FAM219A: variants seen among roughly 807,000 people sequenced by gnomAD.
FAM219A encodes the protein family with sequence similarity 219 member A, also known as protein FAM219A.
A neutral mutation model predicts 23.4 loss-of-function variants in FAM219A; 7 were observed. The ratio of observed to expected loss-of-function variants is 0.30; its 90% CI spans 0.17 to 0.56. The LOEUF (loss-of-function observed/expected upper bound fraction) is 0.56. Ranked by LOEUF, FAM219A falls within the 20% of genes least tolerant of loss-of-function variation. The probability of loss-of-function intolerance (pLI) is 0.92; values close to 1 mark genes in which losing one functional copy is unlikely to be tolerated. For synonymous variants in FAM219A, 93 were observed against 99.0 expected (o/e 0.94, Z 0.36); for missense variants, 166 against 246.9 (o/e 0.67, Z 2.20).
intron 1 of FAM219A, among the ~76,000 whole-genome samples, chr9:34,420,992 A>ATGTG (rs1212346431): frequency 1.9e-5 from 2 of 107,320 alleles, no homozygotes; most frequent in South Asian, 3.3e-4. Context: ...GTGTGTGTGT[A>ATGTG]TGTGTGTGTG....
chr9:34,405,215 G>A (rs1482420220), intron 2 of FAM219A, among the ~76,000 whole-genome samples: 2 of 152,218 alleles, frequency 1.3e-5, no homozygotes, highest in Non-Finnish European at 2.9e-5. Flanking sequence ...GACAGCCCAT[G>A]AGGTGAAGGG....
At chr9:34,435,118 G>A (rs2131988660) in intron 1 of FAM219A, among the ~76,000 whole-genome samples, 1 of 152,294 alleles carries the variant, frequency 6.6e-6, no homozygotes, top group Non-Finnish European at 1.5e-5. Context: ...ACTGTGCCTG[G>A]CCAGTGTTGA....
intron 1 of FAM219A, among the ~76,000 whole-genome samples, chr9:34,426,435 G>C (rs557264376): frequency 1.2e-3 from 184 of 152,278 alleles, no homozygotes; most frequent in African/African-American, 3.5e-3. Flanking sequence ...TTTGGATTCT[G>C]AGATAATTTT....
intron 4 of FAM219A, chr9:34,402,156 C>T: frequency 6.8e-7 from 1 of 1,465,416 alleles, no homozygotes; most frequent in Non-Finnish European, 9.0e-7. Flanking sequence ...GATCAGTTGT[C>T]CCAGGATGAC....
chr9:34,428,747 T>G (rs1022251851), intron 1 of FAM219A, among the ~76,000 whole-genome samples: 9 of 152,226 alleles, frequency 5.9e-5, no homozygotes, highest in African/African-American at 2.2e-4. Context: ...TCTGTTCCAC[T>G]TGAACAAAAC....
At chr9:34,438,917 A>G (rs1336127818) in intron 1 of FAM219A, among the ~76,000 whole-genome samples, 1 of 152,236 alleles carries the variant, frequency 6.6e-6, no homozygotes, top group Non-Finnish European at 1.5e-5. Flanking sequence ...AAATCTTGCT[A>G]CTGCTCATTC....
chr9:34,442,452 C>T (rs746227108), intron 1 of FAM219A, among the ~76,000 whole-genome samples: 4 of 152,072 alleles, frequency 2.6e-5, no homozygotes, highest in Non-Finnish European at 5.9e-5. Flanking sequence ...CGGGAGCCTG[C>T]GGCAGGTGGA....
Position 34,458,161 on chromosome 9 carries a change from A to C in FAM219A, c.60+43T>G, listed in dbSNP as rs1218855250. The stretch of plus-strand genomic sequence containing the variant: ...TGATTCCCTCCCTCCCCCTCAAGCG[A>C]CGCCCCCTCCGGCCTTGGCCTGCCC... On this transcript the variant is annotated intron_variant, in intron 1 of 5. Transcript: ENST00000651358. The surrounding 1 kb of genome is among the most constrained non-coding windows in gnomAD (Gnocchi z 6.6). 4.1e-6 allele frequency: 6 copies of C among 1,479,940 alleles called. No individual in the cohort carries two copies. In the South Asian group the frequency reaches 4.9e-5, roughly 12 times the overall value. The allele number at this position is 1,479,940 out of a possible 1,614,324, so 91.7% of individuals were successfully genotyped here. A position where few individuals can be genotyped will look rare whatever the true frequency, so the allele number is the denominator to read the frequency against.
chr9:34,440,705 C>G (rs997699962), intron 1 of FAM219A, among the ~76,000 whole-genome samples: 3 of 151,936 alleles, frequency 2.0e-5, no homozygotes, highest in Admixed American at 2.0e-4. Context: ...AAAAAATTAG[C>G]CGGGCATGGT....
chr9:34,444,830 T>C (rs907109828), intron 1 of FAM219A, among the ~76,000 whole-genome samples: 4 of 152,208 alleles, frequency 2.6e-5, no homozygotes, highest in Admixed American at 2.6e-4. Flanking sequence ...ATTCTCTCTT[T>C]TCCTACTGCA....
intron 1 of FAM219A, among the ~76,000 whole-genome samples, chr9:34,425,265 A>G (rs547013089): frequency 3.6e-4 from 55 of 152,204 alleles, no homozygotes; most frequent in African/African-American, 1.1e-3. Flanking sequence ...AGATCACCTG[A>G]GGTCAGGAGT....
In FAM219A at chr9:34,398,601, C is replaced by T. The variant is rs1821307020; in HGVS notation, c.*2363G>A. On this transcript the variant is annotated 3_prime_UTR_variant, in exon 6 of 6. Coordinates refer to ENST00000651358, the MANE Select transcript of FAM219A (RefSeq NM_001184940.2). ...ATGTCCTGTGGGGGGGGAGATTTTC[C>T]CTGGTGTCTCAGGGCCACAGAGATT... 1.8e-6 allele frequency: 1 copy of T among 561,376 alleles called. No homozygotes were observed. Among genetic ancestry groups the T allele is most frequent in the Non-Finnish European group, 3.2e-6 (1 of 313,760 alleles). The allele number at this position is 561,376 out of a possible 1,614,324, so 34.8% of individuals were successfully genotyped here.
At position 34,424,561 on chromosome 9, in the gene FAM219A, C is replaced by T. The variant is rs145005767; in HGVS notation, c.61-18597G>A. On this transcript the variant is annotated intron_variant, in intron 1 of 5. Transcript: ENST00000651358. ...TTCTGGCTGCACCAGAGTCCCCTGACTTAGTTTTGGCCTATCGTCCCCAGG... is the reference window on the plus strand; with the variant it reads ...TTCTGGCTGCACCAGAGTCCCCTGATTTAGTTTTGGCCTATCGTCCCCAGG... Among the ~76,000 whole-genome samples, 7 of 152,280 alleles carry T rather than the reference C, an allele frequency of 4.6e-5. No homozygotes were observed. The East Asian group carries it at 1.4e-3, about 29-fold the overall frequency.
intron 1 of FAM219A, among the ~76,000 whole-genome samples, chr9:34,444,818 T>C (rs1223973942): frequency 6.6e-6 from 1 of 152,208 alleles, no homozygotes; most frequent in Non-Finnish European, 1.5e-5. Context: ...GAATAATTTA[T>C]TATTCTCTCT....
intron 3 of FAM219A, 101 bp downstream of exon 3, chr9:34,402,604 G>A: frequency 6.4e-7 from 1 of 1,552,930 alleles, no homozygotes; most frequent in Non-Finnish European, 8.8e-7. Flanking sequence ...TCCTCTCAGA[G>A]AGGAGCTGGG....
chr9:34,418,286 G>C (rs967140952), intron 1 of FAM219A, among the ~76,000 whole-genome samples: 13 of 152,082 alleles, frequency 8.5e-5, no homozygotes, highest in African/African-American at 3.1e-4. Flanking sequence ...ATCCTGCTCT[G>C]CTTCTTCATG....
At chr9:34,420,864 C>G (rs1822244804) in intron 1 of FAM219A, among the ~76,000 whole-genome samples, 1 of 151,996 alleles carries the variant, frequency 6.6e-6, no homozygotes, top group Non-Finnish European at 1.5e-5. Context: ...CTTGTGGACC[C>G]AGCTACTTGG....
In FAM219A at chr9:34,398,743, T is replaced by G. The variant is rs2131914658; in HGVS notation, c.*2221A>C. Reference sequence around the variant, plus strand: ...GGTGAGCCAAGGAGCCCCGGGGTGGTGGTGGTGGTAGTGGGAGGGCTGGCT... The same window carrying G: ...GGTGAGCCAAGGAGCCCCGGGGTGGGGGTGGTGGTAGTGGGAGGGCTGGCT... On this transcript the variant is annotated 3_prime_UTR_variant, in exon 6 of 6. Transcript: ENST00000651358. 1 of 151,880 alleles carries G rather than the reference T, an allele frequency of 6.6e-6. No homozygotes were observed. Among genetic ancestry groups the G allele is most frequent in the Non-Finnish European group, 1.3e-5 (1 of 76,150 alleles). The allele number at this position is 151,880 out of a possible 1,614,324, so 9.4% of individuals were successfully genotyped here. A position where few individuals can be genotyped will look rare whatever the true frequency, so the allele number is the denominator to read the frequency against.
At chr9:34,447,415 G>A (rs1823411448) in intron 1 of FAM219A, among the ~76,000 whole-genome samples, 1 of 152,230 alleles carries the variant, frequency 6.6e-6, no homozygotes, top group African/African-American at 2.4e-5. Flanking sequence ...CAGATCACAT[G>A]TACAGCTCTG....
Sources: allele counts gnomAD v4.1 joint callset (sites outside exome capture counted in the v4.1 genomes callset), GRCh38; gene constraint gnomAD v4.1.1; non-coding constraint Gnocchi (gnomAD v3.1); transcripts MANE v1.5; gene names NCBI Gene and HGNC (gene_info 2026-07-23, HGNC 2026-07-21).